Variants in SLC25A21 observed in about 807,000 individuals in gnomAD.
The protein encoded by SLC25A21 is solute carrier family 25 member 21.
Under a neutral mutation model 43.8 loss-of-function variants are expected in SLC25A21, and 47 were observed. The observed-to-expected ratio is 1.07, with a 90% confidence interval of 0.85 to 1.37. The LOEUF is 1.37. SLC25A21 is among the 40% of genes most tolerant of loss of function. The pLI is 0.00. For synonymous variants in SLC25A21, 131 were observed against 121.3 expected, an observed-to-expected ratio of 1.08 and a Z score of -0.52; for missense variants, 352 against 350.2, an observed-to-expected ratio of 1.00 and a Z score of -0.04.
intron 1 of SLC25A21, among the ~76,000 whole-genome samples, chr14:36,924,567 C>A (rs1274472768): frequency 6.6e-6 from 1 of 151,858 alleles, no homozygotes; most frequent in African/African-American, 2.4e-5. Context: ...AGGAGATATA[C>A]CTAATGGAAA....
At chr14:36,797,250 A>C (rs1887706392) in intron 3 of SLC25A21, among the ~76,000 whole-genome samples, 2 of 152,246 alleles carry the variant, frequency 1.3e-5, no homozygotes, top group African/African-American at 2.4e-5. Context: ...TTTTCAAACA[A>C]GTAATTTTCC....
chr14:37,141,534 A>G (rs1963570347), intron 1 of SLC25A21, among the ~76,000 whole-genome samples: 1 of 152,182 alleles, frequency 6.6e-6, no homozygotes, highest in Non-Finnish European at 1.5e-5. Context: ...ATATAAAAAT[A>G]ATTTTGCTTT....
At chr14:36,875,510 A>G (rs1204924724) in intron 1 of SLC25A21, among the ~76,000 whole-genome samples, 2 of 152,236 alleles carry the variant, frequency 1.3e-5, no homozygotes, top group Non-Finnish European at 2.9e-5. Context: ...TACAATACAT[A>G]TCAATACATT....
rs11314165 is a variant in SLC25A21 at position 36,758,590 on chromosome 14, C to CAA, written c.204-24019_204-24018dup. Among the ~76,000 whole-genome samples the CAA allele has an allele frequency of 6.9e-3, 880 of 127,660 alleles. 8 individuals carry two copies. Among genetic ancestry groups the CAA allele is most frequent in the Non-Finnish European group, 6.8e-3 (424 of 62,032 alleles). 83.7% of individuals were successfully genotyped at this position (127,660 alleles called of 152,430 possible). ...CTTTTCTATATTGGGTCAGCCAGGT[C>CAA]AAAAAAAAAAAAAAAAAGGAGGTTT... On this transcript the variant is annotated intron_variant, in intron 3 of 9. Coordinates refer to ENST00000331299, the MANE Select transcript of SLC25A21 (RefSeq NM_030631.4).
chr14:36,983,269 C>T (rs118010777), intron 1 of SLC25A21, among the ~76,000 whole-genome samples: 3,109 of 152,264 alleles, frequency 0.02, 46 homozygotes, highest in Middle Eastern at 0.027. Context: ...CTTTCTTTCA[C>T]TTACTTTTAT....
At chr14:36,962,112 T>C (rs1959507688) in intron 1 of SLC25A21, among the ~76,000 whole-genome samples, 1 of 152,234 alleles carries the variant, frequency 6.6e-6, no homozygotes, top group Non-Finnish European at 1.5e-5. Context: ...TGCTATTAAA[T>C]CATTTTCCTC....
At chr14:36,923,663 G>A (rs373615218) in intron 1 of SLC25A21, among the ~76,000 whole-genome samples, 1 of 152,146 alleles carries the variant, frequency 6.6e-6, no homozygotes, top group African/African-American at 2.4e-5. Context: ...AGGATGGGAT[G>A]TGAAAAATGG....
In SLC25A21 at chr14:36,680,433, C is replaced by CTCAT; in HGVS notation, c.*221_*224dup. The CTCAT allele has an allele frequency of 8.6e-7, 1 of 1,158,166 alleles. No individual in the cohort carries two copies. The highest frequency in any genetic ancestry group is 1.1e-6 in the Non-Finnish European group (1 of 933,274). 71.7% of individuals were successfully genotyped at this position (1,158,166 alleles called of 1,614,324 possible). On this transcript the variant is annotated 3_prime_UTR_variant, in exon 10 of 10. Coordinates refer to ENST00000331299, the MANE Select transcript of SLC25A21 (RefSeq NM_030631.4). ...ATTTTTCTATATTCACTTTAAATAC[C>CTCAT]TCATTGTTTCATATTATTTTTTTCT...
At chr14:36,751,910 A>G (rs887022389) in intron 3 of SLC25A21, among the ~76,000 whole-genome samples, 4 of 152,212 alleles carry the variant, frequency 2.6e-5, no homozygotes, top group African/African-American at 4.8e-5. Context: ...GAGCACCTAA[A>G]GATTTGGAGT....
intron 1 of SLC25A21, among the ~76,000 whole-genome samples, chr14:37,000,797 T>A (rs1387147086): frequency 6.6e-6 from 1 of 151,832 alleles, no homozygotes; most frequent in Non-Finnish European, 1.5e-5. Flanking sequence ...GCACTTCCTT[T>A]TTCACTGCCT....
intron 1 of SLC25A21, among the ~76,000 whole-genome samples, chr14:37,168,455 C>T (rs1042252434): frequency 1.3e-4 from 20 of 152,042 alleles, no homozygotes; most frequent in African/African-American, 4.6e-4. Flanking sequence ...AGACCTATAT[C>T]GTTATAGAAA....
At chr14:36,968,265 T>C (rs938786575) in intron 1 of SLC25A21, among the ~76,000 whole-genome samples, 2 of 152,198 alleles carry the variant, frequency 1.3e-5, no homozygotes, top group Admixed American at 6.5e-5. Context: ...TTTTCCCTCA[T>C]AGCCTCTTCC....
chr14:37,052,519 TTC>T (rs1961730835), intron 1 of SLC25A21, among the ~76,000 whole-genome samples: 1 of 152,270 alleles, frequency 6.6e-6, no homozygotes, highest in East Asian at 1.9e-4. Context: ...TTTTGCATGC[TTC>T]TTTCTGTGCT....
intron 3 of SLC25A21, among the ~76,000 whole-genome samples, chr14:36,797,893 G>A (rs1378328336): frequency 6.6e-6 from 1 of 152,164 alleles, no homozygotes; most frequent in East Asian, 1.9e-4. Context: ...TAGCTATAAA[G>A]CTGTCAGTCC....
At chr14:36,920,197 T>C (rs2138623177) in intron 1 of SLC25A21, among the ~76,000 whole-genome samples, 1 of 152,188 alleles carries the variant, frequency 6.6e-6, no homozygotes, top group South Asian at 2.1e-4. Flanking sequence ...TCTATCCTAT[T>C]AAAGACACAT....
At chr14:36,835,840 C>T (rs939546653) in intron 2 of SLC25A21, among the ~76,000 whole-genome samples, 1 of 152,232 alleles carries the variant, frequency 6.6e-6, no homozygotes, top group Non-Finnish European at 1.5e-5. Flanking sequence ...GCTTCTCCTA[C>T]ATGACCAAAA....
chr14:37,140,791 G>A (rs1426524519), intron 1 of SLC25A21, among the ~76,000 whole-genome samples: 1 of 152,096 alleles, frequency 6.6e-6, no homozygotes, highest in African/African-American at 2.4e-5. Context: ...AAAGGACTGG[G>A]GGCTAAGAAA....
At chr14:36,886,098 C>T (rs1426781475) in intron 1 of SLC25A21, among the ~76,000 whole-genome samples, 1 of 152,150 alleles carries the variant, frequency 6.6e-6, no homozygotes, top group Non-Finnish European at 1.5e-5. Context: ...CAACTACAGA[C>T]AGAACTGATA....
chr14:36,849,105 G>A (rs180980132), intron 2 of SLC25A21, among the ~76,000 whole-genome samples: 172 of 152,220 alleles, frequency 1.1e-3, no homozygotes, highest in African/African-American at 3.9e-3. Context: ...AAAGTTTGAG[G>A]TAAGTACAAA....
Sources: allele counts gnomAD v4.1 joint callset (sites outside exome capture counted in the v4.1 genomes callset), GRCh38; gene constraint gnomAD v4.1.1; transcripts MANE v1.5; gene names NCBI Gene and HGNC (gene_info 2026-07-23, HGNC 2026-07-21).